Variants in CPLANE1 observed in about 807,000 individuals in gnomAD.
The protein encoded by CPLANE1 is ciliogenesis and planar polarity effector complex subunit 1.
CPLANE1 carries 263 observed loss-of-function variants against 362.5 expected under a neutral mutation model. The observed-to-expected ratio is 0.73, with a 90% CI of 0.66 to 0.80. CPLANE1 has a LOEUF of 0.80. CPLANE1 is among the 30% of genes least tolerant of loss of function. The pLI is 0.00. For missense variants in CPLANE1, 3,461 were observed against 3,793.4 expected, an observed-to-expected ratio of 0.91 and a Z score of 2.30; for synonymous variants, 1,212 against 1,302.6, an observed-to-expected ratio of 0.93 and a Z score of 1.50.
At chr5:37,124,298 T>G (rs1763555276) in intron 47 of CPLANE1, among the ~76,000 whole-genome samples, 1 of 152,160 alleles carries the variant, frequency 6.6e-6, no homozygotes, top group Non-Finnish European at 1.5e-5. Context: ...CTAAATGTAA[T>G]TTTCATAGTA....
At chr5:37,085,004 G>T in the CPLANE1 span, 1 of 583,922 alleles carries the variant, frequency 1.7e-6, no homozygotes, top group Non-Finnish European at 3.1e-6. Flanking sequence ...CAGCAGTTTA[G>T]AATTCTTACA....
intron 31 of CPLANE1, among the ~76,000 whole-genome samples, chr5:37,174,996 T>C (rs926216624): frequency 1.3e-5 from 2 of 152,190 alleles, no homozygotes; most frequent in African/African-American, 2.4e-5. Context: ...GACAGGGATC[T>C]GGAATCTAAA....
At position 37,205,457 on chromosome 5, in the gene CPLANE1, G is replaced by A. The variant is rs1421166091; in HGVS notation, c.3150-3C>T. 3 of 1,491,646 alleles carry A rather than the reference G, an allele frequency of 2.0e-6. No homozygotes were observed. The East Asian group carries it at 7.6e-5, about 38-fold the overall frequency. 92.4% of individuals were successfully genotyped at this position (1,491,646 alleles called of 1,614,324 possible). A position where few individuals can be genotyped will look rare whatever the true frequency, so the allele number is the denominator to read the frequency against. ...GATTCAGACTCTTTTTCTTGGACCT[G>A]AAATGACATCAAATTAAGGGAAATG... On this transcript the variant is annotated splice_polypyrimidine_tract_variant and splice_region_variant and intron_variant, in intron 17 of 52. Coordinates refer to ENST00000651892, the MANE Select transcript of CPLANE1 (RefSeq NM_001384732.1).
intron 46 of CPLANE1, among the ~76,000 whole-genome samples, chr5:37,136,363 G>T (rs984153510): frequency 6.6e-6 from 1 of 152,232 alleles, no homozygotes; most frequent in Non-Finnish European, 1.5e-5. Flanking sequence ...AGGTCATGCT[G>T]ATGCAAGAGG....
chr5:37,193,952 C>T (rs542199021), intron 21 of CPLANE1, among the ~76,000 whole-genome samples: 8 of 148,256 alleles, frequency 5.4e-5, no homozygotes, highest in Middle Eastern at 3.5e-3. Flanking sequence ...GACAGAGTCT[C>T]GTCCTGTCAC....
chr5:37,187,977 A>C, intron 21 of CPLANE1, 135 bp from the exon 22 acceptor site: 1 of 488,984 alleles, frequency 2.0e-6, no homozygotes, highest in Non-Finnish European at 3.5e-6. Context: ...ACACATGCTC[A>C]TTGTAAATTT....
At chr5:37,162,631 G>A (rs1410220502) in intron 37 of CPLANE1, 65 bp from the exon 38 acceptor site, 2 of 1,127,470 alleles carry the variant, frequency 1.8e-6, no homozygotes, top group Non-Finnish European at 2.6e-6. Flanking sequence ...GAGCCCAGCA[G>A]CACAGTACCT....
rs1011292016 is a variant in CPLANE1 at position 37,224,568 on chromosome 5, A to T, written c.2464T>A (p.Cys822Ser). ...LQANLQSTGD[C>S]LNQTLELKSI... The stretch of plus-strand genomic sequence containing the variant: ...TTAAGTTCTAAGGTTTGATTCAAGC[A>T]ATCTCCAGTACTCTGTAGGTTAGCC... The change falls in exon 13 of 53, where the codon TGC becomes AGC. Residue 822 changes from cysteine (C) to serine (S), a missense_variant. This residue lies in a region of CPLANE1 where 3,380 missense variants were observed against 3,666.1 expected (regional missense o/e 0.92). Transcript: ENST00000651892. 2 of 1,551,194 alleles carry T rather than the reference A, an allele frequency of 1.3e-6. No homozygotes were observed. Among genetic ancestry groups the T allele is most frequent in the South Asian group, 2.4e-5 (2 of 84,028 alleles).
chr5:37,164,270 T>C lies in CPLANE1; in HGVS notation c.7588+3A>G, dbSNP rs1777654334. 4 of 1,608,022 alleles carry C rather than the reference T, an allele frequency of 2.5e-6. No individual in the cohort carries two copies. The highest frequency in any genetic ancestry group is 2.2e-5 in the South Asian group (2 of 90,966). On this transcript the variant is annotated splice_donor_region_variant and intron_variant, in intron 37 of 52. Transcript: ENST00000651892. ...ACATTACATTAATCATACACATACA[T>C]ACCAAAAGGAACGTCGAAGTCATCC...
At chr5:37,206,738 A>G (rs1188742313) in intron 16 of CPLANE1, among the ~76,000 whole-genome samples, 1 of 152,198 alleles carries the variant, frequency 6.6e-6, no homozygotes, top group Non-Finnish European at 1.5e-5. Context: ...CTTTTGTGTC[A>G]GGTAATATGT....
chr5:37,121,631 G>A lies in CPLANE1; in HGVS notation c.9171C>T (p.Cys3057=), dbSNP rs1762657130. ...CCTTGTCTTACCCTCTTGGAGAAGG[G>A]CAGTGTTGACAACTGGAAGACTGAG... ...SPTQSSSCQH[C]PSPRGENQHG... The change falls in exon 49 of 53, where the codon TGC becomes TGT. Residue 3057 remains cysteine, a synonymous_variant. Coordinates refer to ENST00000651892, the MANE Select transcript of CPLANE1 (RefSeq NM_001384732.1). 5 of 1,613,998 alleles carry A rather than the reference G, an allele frequency of 3.1e-6. No individual in the cohort carries two copies. Among genetic ancestry groups the A allele is most frequent in the South Asian group, 2.2e-5 (2 of 91,084 alleles).
At chr5:37,203,616 G>A (rs1313476601) in intron 18 of CPLANE1, among the ~76,000 whole-genome samples, 1 of 152,036 alleles carries the variant, frequency 6.6e-6, no homozygotes, top group Non-Finnish European at 1.5e-5. Flanking sequence ...TAGGCTCAAG[G>A]GATTCTCCCA....
intron 52 of CPLANE1, 151 bp from the exon 53 acceptor site, chr5:37,107,929 G>C (rs1467596053): frequency 7.9e-7 from 1 of 1,258,164 alleles, no homozygotes; most frequent in Non-Finnish European, 1.1e-6. Context: ...AGGAAATAGG[G>C]CTGTGATTGC....
the CPLANE1 span, among the ~76,000 whole-genome samples, chr5:37,092,169 T>C: frequency 6.6e-6 from 1 of 152,126 alleles, no homozygotes; most frequent in Admixed American, 6.5e-5. Flanking sequence ...CAGCCTATAA[T>C]AACATAAGTG....
intron 30 of CPLANE1, among the ~76,000 whole-genome samples, chr5:37,176,364 G>C (rs57564262): frequency 6.6e-6 from 1 of 152,018 alleles, no homozygotes; most frequent in Non-Finnish European, 1.5e-5. Flanking sequence ...GGCTGGGCAC[G>C]ATGGCTCACG....
At chr5:37,199,096 CA>C (rs35945783) in intron 19 of CPLANE1, among the ~76,000 whole-genome samples, 525 of 47,156 alleles carry the variant, frequency 0.011, 1 homozygote, top group African/African-American at 0.022. Context: ...CACCCTGTCT[CA>C]AAAAAAAAAA....
At chr5:37,159,128 G>T (rs1395363249) in intron 38 of CPLANE1, among the ~76,000 whole-genome samples, 2 of 98,316 alleles carry the variant, frequency 2.0e-5, no homozygotes, top group Non-Finnish European at 3.9e-5. Flanking sequence ...TTTTTGAGAC[G>T]GAGTCTCGCT....
intron 12 of CPLANE1, among the ~76,000 whole-genome samples, chr5:37,225,784 C>T (rs1283750032): frequency 4.5e-5 from 6 of 132,058 alleles, no homozygotes; most frequent in African/African-American, 1.4e-4. Flanking sequence ...ACCCAGGAGG[C>T]GGAGGTTGCA....
chr5:37,117,100 T>C (rs1202412002), intron 50 of CPLANE1, among the ~76,000 whole-genome samples: 5 of 152,230 alleles, frequency 3.3e-5, no homozygotes, highest in Non-Finnish European at 7.3e-5. Flanking sequence ...TATGGTATTA[T>C]TCTCTGACAT....
Sources: gnomAD v4.1 joint callset for allele counts (sites outside exome capture counted in the v4.1 genomes callset) on GRCh38, gnomAD v4.1.1 for gene constraint, gnomAD v4.1.1 regional missense constraint, MANE v1.5 for transcripts, NCBI Gene and HGNC (gene_info 2026-07-23, HGNC 2026-07-21) for gene names.